CORO2B: variants seen among roughly 807,000 people sequenced by gnomAD.
The protein encoded by CORO2B is coronin 2B.
A neutral mutation model predicts 58.8 loss-of-function variants in CORO2B; 26 were observed. That is an observed-to-expected ratio of 0.44 (90% CI 0.32 to 0.61). The LOEUF is 0.61. Ranked by LOEUF, CORO2B falls within the 20% of genes least tolerant of loss-of-function variation. The pLI is 0.04. For synonymous variants in CORO2B, 242 were observed against 253.8 expected, an observed-to-expected ratio of 0.95 and a Z score of 0.44; for missense variants, 460 against 645.1, an observed-to-expected ratio of 0.71 and a Z score of 3.11.
At position 68,589,933 on chromosome 15, in the gene CORO2B, G is replaced by T. The variant is rs112693185; in HGVS notation, c.15+10656G>T. On this transcript the variant is annotated intron_variant, in intron 1 of 11. Transcript: ENST00000261861. ...AGGCCTGGCAGTGCATGCCCTACAT[G>T]CCTGGCTGCCCCCCTGGCCTCCACA... is the stretch of plus-strand genomic sequence containing the variant. 3.7e-3 allele frequency among the ~76,000 whole-genome samples: 562 copies of T among 152,284 alleles called. 2 individuals carry two copies. The highest frequency in any genetic ancestry group is 0.013 in the African/African-American group (529 of 41,566).
chr15:68,616,515 A>C, intron 1 of CORO2B: 3 of 985,062 alleles, frequency 3.0e-6, no homozygotes, highest in Non-Finnish European at 3.6e-6. Context: ...ACTCCCTTAA[A>C]AGCAGGCAGC....
At chr15:68,598,344 C>T (rs115323662) in intron 1 of CORO2B, among the ~76,000 whole-genome samples, 2,027 of 152,256 alleles carry the variant, frequency 0.013, 39 homozygotes, top group African/African-American at 0.046. Flanking sequence ...TGCACGTAAG[C>T]GTGTGCTTTG....
Position 68,726,617 on chromosome 15 carries a change from T to G in CORO2B, c.*643T>G, listed in dbSNP as rs1893307212. 6.5e-6 allele frequency: 1 copy of G among 153,460 alleles called. No individual in the cohort carries two copies. The highest frequency in any genetic ancestry group is 1.5e-5 in the Non-Finnish European group (1 of 68,686). The allele number at this position is 153,460 out of a possible 1,614,324, so 9.5% of individuals were successfully genotyped here. On this transcript the variant is annotated 3_prime_UTR_variant, in exon 12 of 12. Transcript: ENST00000261861. ...TGACCCCTTGCCTTCCCCATGATTCTCTACAAAGCTCTTGCACACCCTTTT... is the reference window on the plus strand; with the variant it reads ...TGACCCCTTGCCTTCCCCATGATTCGCTACAAAGCTCTTGCACACCCTTTT...
chr15:68,634,243 A>G (rs1037875506), intron 1 of CORO2B, among the ~76,000 whole-genome samples: 1 of 152,214 alleles, frequency 6.6e-6, no homozygotes, highest in African/African-American at 2.4e-5. Flanking sequence ...TGGTGTTTGC[A>G]TGATCTTGTG....
the CORO2B span, among the ~76,000 whole-genome samples, chr15:68,549,149 A>G: frequency 1.3e-5 from 2 of 152,234 alleles, no homozygotes; most frequent in Non-Finnish European, 2.9e-5. Flanking sequence ...CAAGAAGAGG[A>G]GAAAATCACA....
At chr15:68,612,267 A>C (rs1900264756) in intron 1 of CORO2B, among the ~76,000 whole-genome samples, 1 of 152,264 alleles carries the variant, frequency 6.6e-6, no homozygotes, top group South Asian at 2.1e-4. Context: ...AAAGATGGGC[A>C]CTATACTTAT....
intron 1 of CORO2B, among the ~76,000 whole-genome samples, chr15:68,621,096 T>C (rs1229604915): frequency 6.6e-6 from 1 of 152,194 alleles, no homozygotes; most frequent in Non-Finnish European, 1.5e-5. Context: ...GCAGTGAATA[T>C]TCTCAACTGT....
the CORO2B span, among the ~76,000 whole-genome samples, chr15:68,535,103 T>A: frequency 6.6e-6 from 1 of 152,202 alleles, no homozygotes; most frequent in African/African-American, 2.4e-5. Flanking sequence ...CTTATTTAGA[T>A]GTATGCCTCT....
chr15:68,665,175 G>T (rs79413458), intron 2 of CORO2B, among the ~76,000 whole-genome samples: 4 of 152,156 alleles, frequency 2.6e-5, no homozygotes, highest in Non-Finnish European at 5.9e-5. Flanking sequence ...ATGAGGTATA[G>T]ATTAACTTTT....
At chr15:68,702,194 G>A (rs1892668956) in intron 3 of CORO2B, among the ~76,000 whole-genome samples, 1 of 152,164 alleles carries the variant, frequency 6.6e-6, no homozygotes, top group South Asian at 2.1e-4. Context: ...CCAATTCTGA[G>A]TTTGAATCCC....
At chr15:68,534,948 T>C in the CORO2B span, among the ~76,000 whole-genome samples, 3 of 152,146 alleles carry the variant, frequency 2.0e-5, no homozygotes, top group African/African-American at 4.8e-5. Flanking sequence ...GTGAGACTTA[T>C]TCACTACCAT....
chr15:68,547,621 C>T, the CORO2B span, among the ~76,000 whole-genome samples: 5 of 151,988 alleles, frequency 3.3e-5, no homozygotes, highest in East Asian at 1.9e-4. Context: ...GGATTACAGG[C>T]GTGAGCCACC....
chr15:68,668,982 G>C (rs1430248444), intron 2 of CORO2B, among the ~76,000 whole-genome samples: 1 of 151,948 alleles, frequency 6.6e-6, no homozygotes, highest in East Asian at 1.9e-4. Context: ...GGAGGCTGAA[G>C]CAGCAGAATT....
At position 68,634,235 on chromosome 15, in the gene CORO2B, G is replaced by C. The variant is rs559647836; in HGVS notation, c.16-10925G>C. On this transcript the variant is annotated intron_variant, in intron 1 of 11. Transcript: ENST00000261861. Reference sequence around the variant, plus strand: ...TCCACCAGCCCTTATTGAGCACTTGGTGTTTGCATGATCTTGTGCATGACA... The same window carrying C: ...TCCACCAGCCCTTATTGAGCACTTGCTGTTTGCATGATCTTGTGCATGACA... 7.9e-5 allele frequency among the ~76,000 whole-genome samples: 12 copies of C among 152,188 alleles called. No homozygotes were observed. In the South Asian group the frequency reaches 2.3e-3, roughly 29 times the overall value.
At position 68,579,027 on chromosome 15, in the gene CORO2B, C is replaced by T. The variant is rs1388783844; in HGVS notation, c.-236C>T. 1.0e-6 allele frequency: 1 copy of T among 984,656 alleles called. No individual in the cohort carries two copies. Among genetic ancestry groups the T allele is most frequent in the African/African-American group, 1.8e-5 (1 of 57,086 alleles). The allele number at this position is 984,656 out of a possible 1,614,324, so 61.0% of individuals were successfully genotyped here. The stretch of plus-strand genomic sequence containing the variant: ...TCGCCTTCCTGCGGCGAAGGAGGCT[C>T]ATCTATTATAAATGCACATTCGGGG... On this transcript the variant is annotated 5_prime_UTR_variant, in exon 1 of 12. Coordinates refer to ENST00000261861, the MANE Select transcript of CORO2B (RefSeq NM_006091.5).
intron 1 of CORO2B, chr15:68,632,439 A>G (rs1451121347): frequency 3.0e-6 from 3 of 985,140 alleles, no homozygotes; most frequent in African/African-American, 1.7e-5. Context: ...GAGAGACAGA[A>G]GTTGAGAAAC....
At chr15:68,642,592 C>T (rs1901289507) in intron 1 of CORO2B, among the ~76,000 whole-genome samples, 1 of 152,238 alleles carries the variant, frequency 6.6e-6, no homozygotes, top group Admixed American at 6.5e-5. Context: ...TCCCCATGGC[C>T]TCCACGACTC....
intron 2 of CORO2B, among the ~76,000 whole-genome samples, chr15:68,673,156 A>G (rs1902460182): frequency 6.6e-6 from 1 of 152,156 alleles, no homozygotes; most frequent in Non-Finnish European, 1.5e-5. Flanking sequence ...GCCCTTCAGC[A>G]GTAACTGAAA....
At chr15:68,596,050 G>C (rs1028463311) in intron 1 of CORO2B, among the ~76,000 whole-genome samples, 1 of 152,126 alleles carries the variant, frequency 6.6e-6, no homozygotes, top group South Asian at 2.1e-4. Flanking sequence ...TGAGGGCTCA[G>C]GGGTGGCTTG....
Sources: gnomAD v4.1 joint callset for allele counts (sites outside exome capture counted in the v4.1 genomes callset) on GRCh38, gnomAD v4.1.1 for gene constraint, MANE v1.5 for transcripts, NCBI Gene and HGNC (gene_info 2026-07-23, HGNC 2026-07-21) for gene names.